Variants in TTLL8 observed in about 807,000 individuals in gnomAD.
TTLL8 encodes tubulin tyrosine ligase like 8.
A neutral mutation model predicts 77.8 loss-of-function variants in TTLL8; 65 were observed. That is an observed-to-expected ratio of 0.84 (90% CI 0.68 to 1.03). The LOEUF is 1.03. Ranked by LOEUF, TTLL8 falls within the 50% of genes least tolerant of loss-of-function variation. The probability of loss-of-function intolerance (pLI) is 0.00; values close to 1 mark genes in which losing one functional copy is unlikely to be tolerated. For synonymous variants in TTLL8, 402 were observed against 422.8 expected (o/e 0.95, Z 0.60); for missense variants, 910 against 1,004.5 (o/e 0.91, Z 1.27).
At chr22:50,030,296 A>T (rs986365776) in intron 12 of TTLL8, 134 bp downstream of exon 13, 1 of 1,079,442 alleles carries the variant, frequency 9.3e-7, no homozygotes, top group Non-Finnish European at 1.1e-6. Flanking sequence ...CGCCTCCGTC[A>T]GGGGACACCC....
intron 1 of TTLL8, among the ~76,000 whole-genome samples, chr22:50,050,684 A>C (rs985295694): frequency 6.6e-6 from 1 of 152,228 alleles, no homozygotes. Flanking sequence ...AGTTAAAAAA[A>C]GTAATAATAA....
At chr22:50,045,578 C>T (rs2061404704) in intron 5 of TTLL8, among the ~76,000 whole-genome samples, 189 bp from the exon 8 acceptor site, 1 of 152,188 alleles carries the variant, frequency 6.6e-6, no homozygotes, top group Admixed American at 6.5e-5. Flanking sequence ...CTGCGGCCGT[C>T]CAGCTGCACC....
At chr22:50,045,678 C>T in intron 5 of TTLL8, 178 bp downstream of exon 7, 1 of 824,746 alleles carries the variant, frequency 1.2e-6, no homozygotes, top group South Asian at 5.5e-5. Context: ...TCCTTGACTG[C>T]CCGCCCTCCC....
upstream of TTLL8, chr22:50,056,898 G>A (rs1216210487): frequency 1.6e-6 from 2 of 1,289,734 alleles, no homozygotes; most frequent in South Asian, 1.2e-5. This position sits in a 1 kb window ranked among gnomAD's most constrained non-coding sequence, Gnocchi z 4.1. Flanking sequence ...TCCATCTGAA[G>A]AAGAAGCCAA....
At chr22:50,028,622 ACC>A (rs1444244623) in intron 12 of TTLL8, among the ~76,000 whole-genome samples, 18 of 80,876 alleles carry the variant, frequency 2.2e-4, no homozygotes, top group African/African-American at 4.6e-4. Context: ...CGTCCTGAAG[ACC>A]CCCACATACC....
intron 11 of TTLL8, 92 bp downstream of exon 12, chr22:50,031,594 G>A (rs916519561): frequency 1.3e-4 from 157 of 1,196,470 alleles, no homozygotes; most frequent in Middle Eastern, 1.1e-3. Flanking sequence ...CTGCACTGGC[G>A]GCCTGCAGCT....
At chr22:50,039,979 T>C (rs1487461769) in intron 8 of TTLL8, among the ~76,000 whole-genome samples, 2 of 146,386 alleles carry the variant, frequency 1.4e-5, no homozygotes, top group African/African-American at 5.1e-5. Flanking sequence ...ACCTCATGTG[T>C]GCCAGCAGGG....
At chr22:50,030,000 C>G (rs2061275100) in intron 12 of TTLL8, among the ~76,000 whole-genome samples, 1 of 152,224 alleles carries the variant, frequency 6.6e-6, no homozygotes, top group South Asian at 2.1e-4. Flanking sequence ...GGCCTGTCAC[C>G]TCAGCCTCCA....
At chr22:50,022,238 CT>C (rs1317227606) in intron 12 of TTLL8, among the ~76,000 whole-genome samples, 1 of 151,280 alleles carries the variant, frequency 6.6e-6, no homozygotes, top group Non-Finnish European at 1.5e-5. Context: ...ACTCCTCCTT[CT>C]GACAATGTGT....
rs963408609 is a variant in TTLL8, at chr22:50,044,110, A to G, written c.643+1145T>C. Among the ~76,000 whole-genome samples, 1 of 152,160 alleles carries G rather than the reference A, an allele frequency of 6.6e-6. No homozygotes were observed. Among genetic ancestry groups the G allele is most frequent in the Non-Finnish European group, 1.5e-5 (1 of 68,012 alleles). ...GAGGCCGAGGTGGGCGGATCACCTG[A>G]AGTCAGGAGTTCGAGACCAGCCTGG... On this transcript the variant is annotated intron_variant, in intron 6 of 13. Coordinates refer to ENST00000266182, the Ensembl canonical transcript of TTLL8. This position sits in a 1 kb window ranked among gnomAD's most constrained non-coding sequence, Gnocchi z 4.2.
At chr22:50,051,976 G>A (rs114695557) in intron 1 of TTLL8, among the ~76,000 whole-genome samples, 3 of 152,218 alleles carry the variant, frequency 2.0e-5, no homozygotes, top group Non-Finnish European at 2.9e-5. Flanking sequence ...CGGACGAAGC[G>A]GCACAATTAC....
At chr22:50,028,743 CGTCCT>C (rs1569221324) in intron 12 of TTLL8, among the ~76,000 whole-genome samples, 19 of 40,332 alleles carry the variant, frequency 4.7e-4, no homozygotes, top group South Asian at 2.3e-3. Flanking sequence ...CCCATCACAC[CGTCCT>C]AAAGACCCCC....
At chr22:50,039,076 T>C (rs946881438) in intron 8 of TTLL8, among the ~76,000 whole-genome samples, 2 of 152,222 alleles carry the variant, frequency 1.3e-5, no homozygotes, top group African/African-American at 2.4e-5. Context: ...GTTAAAGTTT[T>C]GTGTACATAT....
upstream of TTLL8, among the ~76,000 whole-genome samples, chr22:50,058,029 T>A (rs1438812954): frequency 7.1e-6 from 1 of 140,042 alleles, no homozygotes; most frequent in Non-Finnish European, 1.6e-5. The surrounding 1 kb of genome is among the most constrained non-coding windows in gnomAD (Gnocchi z 4.2). Flanking sequence ...GGGGAGGGGG[T>A]AGGCCTGGGT....
intron 12 of TTLL8, among the ~76,000 whole-genome samples, chr22:50,025,224 T>C (rs1368294234): frequency 7.1e-6 from 1 of 140,786 alleles, no homozygotes; most frequent in Non-Finnish European, 1.5e-5. Flanking sequence ...CCCACAAATA[T>C]ATACACCTAC....
intron 3 of TTLL8, among the ~76,000 whole-genome samples, chr22:50,047,961 G>T (rs1037397013): frequency 3.3e-5 from 5 of 152,144 alleles, no homozygotes; most frequent in African/African-American, 1.2e-4. Flanking sequence ...GCCGGGCGTG[G>T]TGGCGGGCGC....
chr22:50,034,606 G>A lies in TTLL8; in HGVS notation c.922-144C>T. The A allele has an allele frequency of 5.0e-6, 4 of 798,804 alleles. No individual in the cohort carries two copies. The highest frequency in any genetic ancestry group is 6.9e-6 in the Non-Finnish European group (4 of 576,020). The allele number at this position is 798,804 out of a possible 1,614,324, so 49.5% of individuals were successfully genotyped here. On this transcript the variant is annotated intron_variant, in intron 8 of 13. Transcript: ENST00000266182. This position sits in a 1 kb window ranked among gnomAD's most constrained non-coding sequence, Gnocchi z 4.1. ...CTCTAGGATGGTCTGGGGCTGGCCTGGCGGGAAAGGGCTGCGGGTCGGCCC... is the reference window on the plus strand; with the variant it reads ...CTCTAGGATGGTCTGGGGCTGGCCTAGCGGGAAAGGGCTGCGGGTCGGCCC...
At chr22:50,055,229 T>G, upstream of TTLL8, 1 of 1,289,202 alleles carries the variant, frequency 7.8e-7, no homozygotes, top group Non-Finnish European at 1.0e-6. Flanking sequence ...CCAAGGAGCA[T>G]TTACCTTGAT....
Position 50,033,252 on chromosome 22 carries a change from C to G in TTLL8, c.1233G>C (p.Glu411Asp), listed in dbSNP as rs377655716. Reference sequence around the variant, plus strand: ...GCTGAGTTGAGAACCGCAAGTAACTCTCCTTGTAGAACCAGATGGTCAGGG... The same window carrying G: ...GCTGAGTTGAGAACCGCAAGTAACTGTCCTTGTAGAACCAGATGGTCAGGG... Residue 411 changes from glutamate (E) to aspartate (D), a missense_variant, in exon 10 of 14, where the codon GAG (glutamate) becomes GAC (aspartate). This residue lies in a region of TTLL8 where 776 missense variants were observed against 926.1 expected (regional missense o/e 0.84). Coordinates refer to ENST00000266182, the Ensembl canonical transcript of TTLL8. 5.9e-6 allele frequency: 8 copies of G among 1,359,432 alleles called. No individual in the cohort carries two copies. In the African/African-American group the frequency reaches 1.2e-4, roughly 20 times the overall value. 84.2% of individuals were successfully genotyped at this position (1,359,432 alleles called of 1,614,324 possible).
Sources: gnomAD v4.1 joint callset for allele counts (sites outside exome capture counted in the v4.1 genomes callset) on GRCh38, gnomAD v4.1.1 for gene constraint, gnomAD v4.1.1 regional missense constraint, Gnocchi (gnomAD v3.1) non-coding constraint, MANE v1.5 for transcripts, NCBI Gene and HGNC (gene_info 2026-07-23, HGNC 2026-07-21) for gene names.